Variants in PSORS1C1 observed in about 807,000 individuals in gnomAD.
PSORS1C1 encodes psoriasis susceptibility 1 candidate 1.
In PSORS1C1, 7 loss-of-function variants were observed where a neutral mutation model predicts 9.4. The observed-to-expected ratio is 0.75, with a 90% confidence interval of 0.42 to 1.40. The LOEUF (loss-of-function observed/expected upper bound fraction) is 1.40, where lower values mean the gene tolerates loss of function less well. Ranked by LOEUF, PSORS1C1 falls within the 40% of genes most tolerant of loss-of-function variation. The probability of loss-of-function intolerance (pLI) is 0.01; values close to 1 mark genes in which losing one functional copy is unlikely to be tolerated. For synonymous variants in PSORS1C1, 63 were observed against 69.4 expected (o/e 0.91, Z 0.46); for missense variants, 146 against 178.1 (o/e 0.82, Z 1.02).
intron 1 of PSORS1C1, among the ~76,000 whole-genome samples, chr6:31,125,373 T>G (rs1772633980): frequency 6.6e-6 from 1 of 152,132 alleles, no homozygotes; most frequent in South Asian, 2.1e-4. Context: ...CTCCTCTCCT[T>G]GGCGTGGAAG....
At chr6:31,124,215 A>G (rs3094204) in intron 1 of PSORS1C1, among the ~76,000 whole-genome samples, 92,893 of 151,982 alleles carry the variant, frequency 0.61, 29,681 homozygotes, top group African/African-American at 0.8. Flanking sequence ...ATGGCGTGCT[A>G]TAGTCCCAGC....
intron 1 of PSORS1C1, among the ~76,000 whole-genome samples, chr6:31,120,804 C>T (rs1459913960): frequency 6.6e-6 from 1 of 152,174 alleles, no homozygotes; most frequent in Non-Finnish European, 1.5e-5. Context: ...CCTACCGTAG[C>T]TTGGCCTGTC....
intron 2 of PSORS1C1, 51 bp from the exon 3 acceptor site, chr6:31,129,518 T>C: frequency 1.3e-6 from 1 of 748,124 alleles, no homozygotes; most frequent in Non-Finnish European, 2.5e-6. Context: ...AAATCTCCAA[T>C]TGCCTCATGC....
At chr6:31,138,164 A>G (rs761285648) in intron 3 of PSORS1C1, 1 of 1,595,180 alleles carries the variant, frequency 6.3e-7, no homozygotes, top group South Asian at 1.1e-5. Context: ...TGGGGCGGGT[A>G]GGCGGAGGAT....
chr6:31,120,411 C>T lies in PSORS1C1; in HGVS notation c.-228-5265C>T, dbSNP rs141945415. Reference sequence around the variant, plus strand: ...CACGCCCCATCCAGGGTGCCCGAGACGAGCCCATCTCGGACTGCACGGCCT... The same window carrying T: ...CACGCCCCATCCAGGGTGCCCGAGATGAGCCCATCTCGGACTGCACGGCCT... On this transcript the variant is annotated intron_variant, in intron 1 of 5. Transcript: ENST00000259881. The T allele has an allele frequency of 1.5e-4, 231 of 1,586,836 alleles. No homozygotes were observed. The highest frequency in any genetic ancestry group is 8.4e-4 in the Middle Eastern group (5 of 5,950).
At chr6:31,138,241 G>A (rs747426780) in intron 3 of PSORS1C1, 189 bp from the exon 4 acceptor site, 177 of 1,567,952 alleles carry the variant, frequency 1.1e-4, no homozygotes, top group Non-Finnish European at 8.0e-5. Flanking sequence ...GGCAATGTTG[G>A]GGAGCCTGCC....
At chr6:31,123,106 GCTGGAGGAGGCACAGTCTCTC>G (rs1772535582) in intron 1 of PSORS1C1, among the ~76,000 whole-genome samples, 1 of 152,184 alleles carries the variant, frequency 6.6e-6, no homozygotes, top group Non-Finnish European at 1.5e-5. Context: ...AGACAGCCAG[GCTGGAGGAGGCACAGTCTCTC>G]CTGGCCTCCT....
chr6:31,139,195 CT>C lies in PSORS1C1; in HGVS notation c.167+417del. Reference sequence around the variant, plus strand: ...GAAGGCCTGGGCTGATGTGTCACCCCTGAAGGTGGCGTCCCTTATTTTAGTC... The same window carrying C: ...GAAGGCCTGGGCTGATGTGTCACCCCGAAGGTGGCGTCCCTTATTTTAGTC... On this transcript the variant is annotated intron_variant, in intron 5 of 5. Transcript: ENST00000259881. This position sits in a 1 kb window ranked among gnomAD's most constrained non-coding sequence, Gnocchi z 5.2. 3.3e-6 allele frequency: 2 copies of C among 608,850 alleles called. No homozygotes were observed. The highest frequency in any genetic ancestry group is 5.8e-6 in the Non-Finnish European group (2 of 342,548). 37.7% of individuals were successfully genotyped at this position (608,850 alleles called of 1,614,324 possible). A position where few individuals can be genotyped will look rare whatever the true frequency, so the allele number is the denominator to read the frequency against.
intron 3 of PSORS1C1, chr6:31,137,872 G>T: frequency 1.6e-6 from 1 of 631,238 alleles, no homozygotes; most frequent in Non-Finnish European, 2.6e-6. Flanking sequence ...AAATTGGGAA[G>T]AATTCACGGG....
Position 31,139,131 on chromosome 6 carries a change from C to A in PSORS1C1, c.167+352C>A. 5.8e-6 allele frequency: 5 copies of A among 859,156 alleles called. No homozygotes were observed. Among genetic ancestry groups the A allele is most frequent in the Non-Finnish European group, 9.6e-6 (5 of 519,226 alleles). 53.2% of individuals were successfully genotyped at this position (859,156 alleles called of 1,614,324 possible). The stretch of plus-strand genomic sequence containing the variant: ...TGGAGGAGGGACCAGCCCAGTGGCA[C>A]AGGAATACCATCAGAACAGAACTGG... On this transcript the variant is annotated intron_variant, in intron 5 of 5. Coordinates refer to ENST00000259881, the MANE Select transcript of PSORS1C1 (RefSeq NM_014068.3). The surrounding 1 kb of genome is among the most constrained non-coding windows in gnomAD (Gnocchi z 5.2).
intron 3 of PSORS1C1, among the ~76,000 whole-genome samples, chr6:31,131,560 G>A (rs1221355814): frequency 7.8e-6 from 1 of 127,698 alleles, no homozygotes; most frequent in Admixed American, 9.5e-5. Context: ...TCGTGCCATT[G>A]CACTCTAGCC....
chr6:31,137,652 G>T (rs756036173), intron 3 of PSORS1C1: 20 of 349,932 alleles, frequency 5.7e-5, no homozygotes, highest in Non-Finnish European at 8.2e-5. Context: ...CTGCCCCAGC[G>T]ATCGCGCGGG....
intron 1 of PSORS1C1, among the ~76,000 whole-genome samples, chr6:31,120,035 C>G (rs896951770): frequency 1.3e-5 from 2 of 152,070 alleles, no homozygotes; most frequent in African/African-American, 4.8e-5. Context: ...TGTAGTGCTC[C>G]CATAATAAAA....
chr6:31,135,278 C>A (rs1773093274), intron 3 of PSORS1C1, among the ~76,000 whole-genome samples: 1 of 152,022 alleles, frequency 6.6e-6, no homozygotes, highest in Non-Finnish European at 1.5e-5. Context: ...ACTCTGTCTC[C>A]CAGGCTGGAG....
intron 3 of PSORS1C1, among the ~76,000 whole-genome samples, chr6:31,134,775 C>A (rs1773075249): frequency 6.6e-6 from 1 of 152,174 alleles, no homozygotes; most frequent in South Asian, 2.1e-4. Context: ...GTCCTTCTAA[C>A]CTGATTGCCT....
In PSORS1C1 at chr6:31,123,159, G is replaced by A. The variant is rs535813396; in HGVS notation, c.-228-2517G>A. ...TCCTGCCAGGTCTCCAGCCGCCCAC[G>A]TGGACTGGCGGTGCAGCCACGTCCC... On this transcript the variant is annotated intron_variant, in intron 1 of 5. Transcript: ENST00000259881. 1.2e-4 allele frequency among the ~76,000 whole-genome samples: 18 copies of A among 152,282 alleles called. 1 individual carries two copies. The Middle Eastern group carries it at 0.017, about 144-fold the overall frequency.
Position 31,115,030 on chromosome 6 carries a change from C to G in PSORS1C1, c.-229+139C>G, listed in dbSNP as rs757037134. ...GAGGAATGGGAAGAGAATGGATTTC[C>G]TGGAGCAATGAGAGAGGAGGGAAAT... On this transcript the variant is annotated intron_variant, in intron 1 of 5. Transcript: ENST00000259881. This position sits in a 1 kb window ranked among gnomAD's most constrained non-coding sequence, Gnocchi z 4.2. 1.1e-5 allele frequency: 4 copies of G among 379,092 alleles called. No individual in the cohort carries two copies. The highest frequency in any genetic ancestry group is 1.6e-5 in the Non-Finnish European group (3 of 192,298). The allele number at this position is 379,092 out of a possible 1,614,324, so 23.5% of individuals were successfully genotyped here.
At chr6:31,119,113 G>T (rs1263977270) in intron 1 of PSORS1C1, among the ~76,000 whole-genome samples, 1 of 151,868 alleles carries the variant, frequency 6.6e-6, no homozygotes, top group Admixed American at 6.6e-5. Flanking sequence ...TGAAATGTTG[G>T]GATTACAGGC....
chr6:31,136,361 A>G (rs1379687315), intron 3 of PSORS1C1, among the ~76,000 whole-genome samples: 1 of 150,996 alleles, frequency 6.6e-6, no homozygotes, highest in Non-Finnish European at 1.5e-5. Context: ...ACTGCACTCC[A>G]GCCTGGGCGA....
Sources: allele counts gnomAD v4.1 joint callset (sites outside exome capture counted in the v4.1 genomes callset), GRCh38; gene constraint gnomAD v4.1.1; non-coding constraint Gnocchi (gnomAD v3.1); transcripts MANE v1.5; gene names NCBI Gene and HGNC (gene_info 2026-07-23, HGNC 2026-07-21).